The following CCDC6 variants were observed in gnomAD, a reference collection of about 807,000 sequenced individuals.
The protein encoded by CCDC6 is coiled-coil domain containing 6.
CCDC6 carries 20 observed loss-of-function variants against 56.6 expected under a neutral mutation model. The ratio of observed to expected loss-of-function variants is 0.35; its 90% CI spans 0.25 to 0.51. CCDC6 has a LOEUF of 0.51. CCDC6 is among the 20% of genes least tolerant of loss of function. The pLI, the probability that CCDC6 is intolerant of heterozygous loss-of-function variation, is 0.95. For synonymous variants in CCDC6, 241 were observed against 234.4 expected (o/e 1.03, Z -0.26); for missense variants, 367 against 601.1 (o/e 0.61, Z 4.07).
chr10:59,793,567 T>G (rs1458835858), intron 8 of CCDC6, among the ~76,000 whole-genome samples: 1 of 152,178 alleles, frequency 6.6e-6, no homozygotes, highest in African/African-American at 2.4e-5. Flanking sequence ...GTGGATAACC[T>G]GAGGCCAGGA....
At chr10:59,882,027 G>GGGGAGAAGGAAAGGAAAGCCGGC (rs1564755809) in intron 1 of CCDC6, among the ~76,000 whole-genome samples, 4 of 99,922 alleles carry the variant, frequency 4.0e-5, no homozygotes, top group African/African-American at 1.6e-4. Context: ...GGAAAGCCGC[G>GGGGAGAAGGAAAGGAAAGCCGGC]GGGAGAAGGA....
intron 3 of CCDC6, among the ~76,000 whole-genome samples, chr10:59,819,621 G>T (rs2070735870): frequency 6.6e-6 from 1 of 152,192 alleles, no homozygotes; most frequent in East Asian, 1.9e-4. Context: ...AAGTTTCCAG[G>T]GTAGTAAGTT....
At chr10:59,813,170 AT>A (rs1434230967) in intron 4 of CCDC6, among the ~76,000 whole-genome samples, 2 of 152,312 alleles carry the variant, frequency 1.3e-5, no homozygotes, top group African/African-American at 4.8e-5. Context: ...TGCTGAGGAA[AT>A]TCCATTTTCT....
chr10:59,789,341 C>A lies in CCDC6; in HGVS notation c.*3576G>T, dbSNP rs1234739867. On this transcript the variant is annotated 3_prime_UTR_variant, in exon 9 of 9. Transcript: ENST00000263102. The stretch of plus-strand genomic sequence containing the variant: ...ATTTTTTCAGTTGCCTCATGAGAGG[C>A]AACCTGGGCTTGGCAGTTAATCAGA... The A allele has an allele frequency of 8.7e-6, 2 of 230,536 alleles. No individual in the cohort carries two copies. The highest frequency in any genetic ancestry group is 3.6e-4 in the South Asian group (2 of 5,488). The allele number at this position is 230,536 out of a possible 1,614,324, so 14.3% of individuals were successfully genotyped here. A position where few individuals can be genotyped will look rare whatever the true frequency, so the allele number is the denominator to read the frequency against.
intron 3 of CCDC6, among the ~76,000 whole-genome samples, chr10:59,819,128 T>C (rs888591149): frequency 1.3e-5 from 2 of 152,220 alleles, no homozygotes; most frequent in African/African-American, 4.8e-5. Flanking sequence ...TGTGATAATG[T>C]TTTTGTGACC....
intron 3 of CCDC6, among the ~76,000 whole-genome samples, chr10:59,817,222 C>A (rs964552437): frequency 6.6e-6 from 1 of 152,190 alleles, no homozygotes; most frequent in Non-Finnish European, 1.5e-5. Flanking sequence ...GCTCTGTTGC[C>A]CAGGCTGGAG....
intron 1 of CCDC6, among the ~76,000 whole-genome samples, chr10:59,892,615 A>T (rs1244280105): frequency 6.6e-6 from 1 of 152,246 alleles, no homozygotes; most frequent in Admixed American, 6.5e-5. Flanking sequence ...GGAGGACAAT[A>T]GAAGGGGGTG....
intron 1 of CCDC6, among the ~76,000 whole-genome samples, chr10:59,880,756 C>T (rs2071326619): frequency 6.6e-6 from 1 of 152,222 alleles, no homozygotes; most frequent in Admixed American, 6.5e-5. Context: ...AGGCCAGTTC[C>T]TTAACCTCTC....
chr10:59,804,502 A>G lies in CCDC6; in HGVS notation c.1023T>C (p.Ser341=), dbSNP rs771568720. 31 of 1,608,840 alleles carry G rather than the reference A, an allele frequency of 1.9e-5. No individual in the cohort carries two copies. The highest frequency in any genetic ancestry group is 2.4e-5 in the Non-Finnish European group (28 of 1,175,172). ...CAGTGCGAGGTCTTAATCCTTGTGC[A>G]GACATCTCATTAAAATACCTAAGAG... ...MDDERYFNEM[S]AQGLRPRTVS... is the part of the protein sequence containing the mutation. The change falls in exon 7 of 9, where the codon TCT becomes TCC. Residue 341 remains serine, a synonymous_variant. Coordinates refer to ENST00000263102, the MANE Select transcript of CCDC6 (RefSeq NM_005436.5).
intron 1 of CCDC6, among the ~76,000 whole-genome samples, chr10:59,901,949 A>G (rs969892743): frequency 3.3e-5 from 5 of 151,678 alleles, no homozygotes; most frequent in African/African-American, 1.2e-4. Flanking sequence ...CTACTCCAAA[A>G]AAAAGAAATT....
At chr10:59,839,851 G>C (rs931027852) in intron 2 of CCDC6, among the ~76,000 whole-genome samples, 4 of 152,118 alleles carry the variant, frequency 2.6e-5, no homozygotes, top group Non-Finnish European at 5.9e-5. Context: ...TTTTGAGACA[G>C]AGTCTCACTC....
chr10:59,897,825 C>T (rs1428359808), intron 1 of CCDC6, among the ~76,000 whole-genome samples: 4 of 152,190 alleles, frequency 2.6e-5, no homozygotes, highest in South Asian at 4.1e-4. Context: ...CTTTTACTCT[C>T]GTCCTTCCTC....
At chr10:59,877,368 A>T (rs563768867) in intron 1 of CCDC6, among the ~76,000 whole-genome samples, 1 of 152,364 alleles carries the variant, frequency 6.6e-6, no homozygotes, top group South Asian at 2.1e-4. Flanking sequence ...CTAATGCAGG[A>T]AATAGAAAGA....
At chr10:59,878,446 G>GA in intron 1 of CCDC6, among the ~76,000 whole-genome samples, 1 of 152,162 alleles carries the variant, frequency 6.6e-6, no homozygotes, top group South Asian at 2.1e-4. Context: ...TACTGCAAGG[G>GA]AAAACTCGCC....
At chr10:59,875,922 G>T (rs1210221721) in intron 1 of CCDC6, among the ~76,000 whole-genome samples, 4 of 152,032 alleles carry the variant, frequency 2.6e-5, no homozygotes, top group Middle Eastern at 3.4e-3. Flanking sequence ...TTGCTATTTG[G>T]ACATTAACCT....
At chr10:59,809,393 T>C (rs1344010064) in intron 5 of CCDC6, among the ~76,000 whole-genome samples, 1 of 152,140 alleles carries the variant, frequency 6.6e-6, no homozygotes, top group African/African-American at 2.4e-5. Flanking sequence ...AATATATCTA[T>C]AGATAAGAAT....
chr10:59,869,580 T>A (rs746214112), intron 1 of CCDC6, among the ~76,000 whole-genome samples: 2 of 151,964 alleles, frequency 1.3e-5, no homozygotes, highest in African/African-American at 2.4e-5. Flanking sequence ...TTTCTGGCCT[T>A]CTCATTGCCT....
intron 1 of CCDC6, among the ~76,000 whole-genome samples, chr10:59,875,235 T>A (rs2071268259): frequency 6.6e-6 from 1 of 152,230 alleles, no homozygotes; most frequent in South Asian, 2.1e-4. Context: ...TTGTGAGGGA[T>A]GGCACTGATG....
At chr10:59,902,749 G>T (rs2071513945) in intron 1 of CCDC6, among the ~76,000 whole-genome samples, 1 of 152,144 alleles carries the variant, frequency 6.6e-6, no homozygotes, top group Admixed American at 6.5e-5. Context: ...AAACGATGCA[G>T]CCACTTTGGA....
Sources: gnomAD v4.1 joint callset for allele counts (sites outside exome capture counted in the v4.1 genomes callset) on GRCh38, gnomAD v4.1.1 for gene constraint, MANE v1.5 for transcripts, NCBI Gene and HGNC (gene_info 2026-07-23, HGNC 2026-07-21) for gene names.